SLC35D2: variants seen among roughly 807,000 people sequenced by gnomAD.
The protein encoded by SLC35D2 is nucleotide sugar transporter SLC35D2.
SLC35D2 carries 43 observed loss-of-function variants against 41.8 expected under a neutral mutation model. The observed-to-expected ratio is 1.03, with a 90% CI of 0.81 to 1.33. SLC35D2 has a LOEUF of 1.33. Among genes scored for constraint, SLC35D2 ranks in the 40% most tolerant of loss-of-function variants. SLC35D2 has a pLI of 0.00. For synonymous variants in SLC35D2, 150 were observed against 163.9 expected (o/e 0.92, Z 0.65); for missense variants, 380 against 408.4 (o/e 0.93, Z 0.60).
chr9:96,358,980 C>CA (rs767115658), intron 4 of SLC35D2, among the ~76,000 whole-genome samples: 8 of 150,908 alleles, frequency 5.3e-5, no homozygotes, highest in East Asian at 1.9e-4. Flanking sequence ...GACTCCATCT[C>CA]AAAAAAAAGA....
chr9:96,315,580 C>T (rs1256848713), intron 11 of SLC35D2, among the ~76,000 whole-genome samples: 4 of 152,030 alleles, frequency 2.6e-5, no homozygotes, highest in Non-Finnish European at 5.9e-5. Flanking sequence ...ACTACAGGTG[C>T]CTGCCACCAC....
chr9:96,316,893 CTT>C (rs1828065547), downstream of SLC35D2, among the ~76,000 whole-genome samples: 2 of 152,138 alleles, frequency 1.3e-5, no homozygotes, highest in African/African-American at 4.8e-5. Context: ...AATCCCAGCA[CTT>C]TGGGAGGCCA....
At chr9:96,339,555 A>G (rs1829217697) in intron 8 of SLC35D2, among the ~76,000 whole-genome samples, 1 of 152,234 alleles carries the variant, frequency 6.6e-6, no homozygotes, top group Admixed American at 6.5e-5. Context: ...GAAATAATCA[A>G]AGGTAAACAA....
At chr9:96,370,558 G>A (rs1017741981) in intron 1 of SLC35D2, among the ~76,000 whole-genome samples, 1 of 152,132 alleles carries the variant, frequency 6.6e-6, no homozygotes, top group African/African-American at 2.4e-5. Flanking sequence ...TTGGGAGGCT[G>A]AGGCATGAGA....
chr9:96,329,957 G>A (rs1009218200), intron 9 of SLC35D2, among the ~76,000 whole-genome samples: 1 of 152,250 alleles, frequency 6.6e-6, no homozygotes, highest in Admixed American at 6.5e-5. Flanking sequence ...TCCCAAGACA[G>A]GCCATCTGCA....
chr9:96,359,706 A>C (rs1459803705), intron 4 of SLC35D2, among the ~76,000 whole-genome samples: 1 of 152,098 alleles, frequency 6.6e-6, no homozygotes, highest in African/African-American at 2.4e-5. Flanking sequence ...AAAGACCCTG[A>C]AATAAATGCA....
At chr9:96,336,999 A>G (rs1258388564) in intron 8 of SLC35D2, among the ~76,000 whole-genome samples, 10 of 152,202 alleles carry the variant, frequency 6.6e-5, no homozygotes, top group Non-Finnish European at 1.2e-4. Context: ...CTTATTTAAA[A>G]AAAGGAAAGC....
chr9:96,336,408 G>A (rs75656719), intron 9 of SLC35D2, among the ~76,000 whole-genome samples: 20,050 of 152,056 alleles, frequency 0.13, 1,755 homozygotes, highest in East Asian at 0.28. Flanking sequence ...CCTCAGCATT[G>A]AACTTGAAAT....
chr9:96,366,793 A>G (rs1229109145), intron 2 of SLC35D2, among the ~76,000 whole-genome samples: 3 of 150,374 alleles, frequency 2.0e-5, no homozygotes, highest in African/African-American at 7.3e-5. Flanking sequence ...TTTTTTTTTA[A>G]CGTGCTTTTT....
At chr9:96,352,755 C>G (rs1041929353) in intron 4 of SLC35D2, among the ~76,000 whole-genome samples, 1 of 151,868 alleles carries the variant, frequency 6.6e-6, no homozygotes. Context: ...TAGTCCTGAC[C>G]GACTGGGCAC....
intron 4 of SLC35D2, among the ~76,000 whole-genome samples, chr9:96,356,272 T>C (rs952177018): frequency 6.6e-6 from 1 of 152,184 alleles, no homozygotes; most frequent in Non-Finnish European, 1.5e-5. Flanking sequence ...CACACGAACC[T>C]TTTTTCTTCA....
chr9:96,356,380 TTC>T (rs1333678539), intron 4 of SLC35D2, among the ~76,000 whole-genome samples: 2 of 149,486 alleles, frequency 1.3e-5, no homozygotes, highest in African/African-American at 4.9e-5. Flanking sequence ...GCTTTATTTA[TTC>T]TTTTTTTTTT....
rs7038255 is a variant in SLC35D2 at position 96,324,027 on chromosome 9, C to G, written c.831+64G>C. On this transcript the variant is annotated intron_variant, in intron 10 of 11. Transcript: ENST00000253270. The stretch of plus-strand genomic sequence containing the variant: ...AACAACAAAATCAAACCCGGCCTCC[C>G]ATGGAATATTTGGATTTCCATTCCT... 15 of 1,422,748 alleles carry G rather than the reference C, an allele frequency of 1.1e-5. No homozygotes were observed. In the African/African-American group the frequency reaches 1.8e-4, roughly 17 times the overall value. The allele number at this position is 1,422,748 out of a possible 1,614,324, so 88.1% of individuals were successfully genotyped here.
intron 4 of SLC35D2, among the ~76,000 whole-genome samples, chr9:96,359,592 A>C (rs995699915): frequency 1.6e-4 from 25 of 152,078 alleles, no homozygotes; most frequent in African/African-American, 5.8e-4. Flanking sequence ...TGGGAGGCTG[A>C]GGCAGGAGAA....
At chr9:96,359,293 G>T (rs1204192873) in intron 4 of SLC35D2, among the ~76,000 whole-genome samples, 3 of 150,648 alleles carry the variant, frequency 2.0e-5, no homozygotes, top group African/African-American at 7.3e-5. Flanking sequence ...GGGCGACAGA[G>T]CGAGACTCCG....
chr9:96,370,373 C>T (rs1830627795), intron 1 of SLC35D2, among the ~76,000 whole-genome samples: 1 of 152,066 alleles, frequency 6.6e-6, no homozygotes, highest in African/African-American at 2.4e-5. Context: ...AAAGGGTCAC[C>T]CGGCTAGGAG....
At chr9:96,364,189 G>A (rs757855561) in intron 3 of SLC35D2, among the ~76,000 whole-genome samples, 8 of 152,070 alleles carry the variant, frequency 5.3e-5, no homozygotes, top group Non-Finnish European at 5.9e-5. Flanking sequence ...AAAAAAATTA[G>A]CTGGGAATGG....
intron 4 of SLC35D2, among the ~76,000 whole-genome samples, chr9:96,358,078 T>TATATATATA (rs1491320526): frequency 4.4e-4 from 35 of 79,232 alleles, no homozygotes; most frequent in African/African-American, 2.1e-3. Flanking sequence ...ATATTATATA[T>TATATATATA]TTTATATATA....
At chr9:96,345,174 A>G in intron 7 of SLC35D2, 125 bp downstream of exon 7, 1 of 564,604 alleles carries the variant, frequency 1.8e-6, no homozygotes, top group South Asian at 2.9e-5. Context: ...AATTGAAAAT[A>G]AGGAATTTAC....
Sources: allele counts gnomAD v4.1 joint callset (sites outside exome capture counted in the v4.1 genomes callset), GRCh38; gene constraint gnomAD v4.1.1; transcripts MANE v1.5; gene names NCBI Gene and HGNC (gene_info 2026-07-23, HGNC 2026-07-21).